Variants in JPH3 observed in about 807,000 individuals in gnomAD.
JPH3 encodes the protein junctophilin 3.
Under a neutral mutation model 59.6 loss-of-function variants are expected in JPH3, and 11 were observed. That is an observed-to-expected ratio of 0.18 (90% CI 0.12 to 0.31). The LOEUF is 0.31. Ranked by LOEUF, JPH3 falls within the 10% of genes least tolerant of loss-of-function variation. The probability of loss-of-function intolerance (pLI) is 1.00; values close to 1 mark genes in which losing one functional copy is unlikely to be tolerated. For synonymous variants in JPH3, 673 were observed against 483.6 expected (o/e 1.39, Z -5.14); for missense variants, 1,202 against 1,105.7 (o/e 1.09, Z -1.24).
At chr16:87,639,383 A>G (rs529230125) in intron 1 of JPH3, among the ~76,000 whole-genome samples, 9 of 152,166 alleles carry the variant, frequency 5.9e-5, no homozygotes, top group Non-Finnish European at 1.0e-4. Flanking sequence ...CAGACCCTGC[A>G]TGAAGCTCCT....
In JPH3 at chr16:87,696,754, G is replaced by T; in HGVS notation, c.*94G>T. 9.9e-7 allele frequency: 1 copy of T among 1,006,524 alleles called. No individual in the cohort carries two copies. Among genetic ancestry groups the T allele is most frequent in the South Asian group, 1.3e-5 (1 of 76,012 alleles). 62.3% of individuals were successfully genotyped at this position (1,006,524 alleles called of 1,614,324 possible). A position where few individuals can be genotyped will look rare whatever the true frequency, so the allele number is the denominator to read the frequency against. Reference sequence around the variant, plus strand: ...ACAAGAAGGGAAAGACCGCAACTCGGACAGCCCAGCGACTTCCAAGTCCTC... The same window carrying T: ...ACAAGAAGGGAAAGACCGCAACTCGTACAGCCCAGCGACTTCCAAGTCCTC... On this transcript the variant is annotated 3_prime_UTR_variant, in exon 5 of 5. Coordinates refer to ENST00000284262, the MANE Select transcript of JPH3 (RefSeq NM_020655.4).
chr16:87,658,436 C>G (rs1316132109), intron 2 of JPH3, among the ~76,000 whole-genome samples: 2 of 151,564 alleles, frequency 1.3e-5, no homozygotes, highest in African/African-American at 4.9e-5. Context: ...CTCTATCTCC[C>G]TATCTGCTTT....
At chr16:87,636,493 C>A (rs938134703) in intron 1 of JPH3, among the ~76,000 whole-genome samples, 1 of 152,182 alleles carries the variant, frequency 6.6e-6, no homozygotes, top group African/African-American at 2.4e-5. Flanking sequence ...GGAGCAACTG[C>A]GGCGAGCGTG....
At chr16:87,632,151 A>G (rs1341042497) in intron 1 of JPH3, among the ~76,000 whole-genome samples, 1 of 152,186 alleles carries the variant, frequency 6.6e-6, no homozygotes, top group Non-Finnish European at 1.5e-5. Context: ...CTGTTTTTTC[A>G]GAGGAATTTT....
At chr16:87,684,390 C>T (rs2033367448) in intron 3 of JPH3, 124 bp downstream of exon 3, 2 of 1,431,834 alleles carry the variant, frequency 1.4e-6, no homozygotes, top group Non-Finnish European at 1.9e-6. Context: ...CCAGCTGCTC[C>T]CCTGCCCGGT....
chr16:87,678,863 G>A (rs1471148094), intron 2 of JPH3, among the ~76,000 whole-genome samples: 3 of 150,780 alleles, frequency 2.0e-5, no homozygotes, highest in South Asian at 2.1e-4. Flanking sequence ...CGCCGAGGGC[G>A]CCAGCAGCCG....
chr16:87,605,621 G>A lies in JPH3; in HGVS notation c.382+2093G>A, dbSNP rs535796502. 2.0e-5 allele frequency among the ~76,000 whole-genome samples: 3 copies of A among 152,262 alleles called. No homozygotes were observed. The South Asian group carries it at 6.2e-4, about 32-fold the overall frequency. On this transcript the variant is annotated intron_variant, in intron 1 of 4. Coordinates refer to ENST00000284262, the MANE Select transcript of JPH3 (RefSeq NM_020655.4). The stretch of plus-strand genomic sequence containing the variant: ...TTTTCTCTATAGGTCCACTTCCCTG[G>A]GCTCTCCACTCCAGCCAGACAGCTC...
intron 2 of JPH3, among the ~76,000 whole-genome samples, chr16:87,646,456 C>G (rs750988073): frequency 6.6e-6 from 1 of 152,182 alleles, no homozygotes; most frequent in Non-Finnish European, 1.5e-5. Flanking sequence ...CAGCAGCCCA[C>G]GTGTGACTAC....
At chr16:87,622,818 TG>T (rs1214879564) in intron 1 of JPH3, among the ~76,000 whole-genome samples, 1 of 151,870 alleles carries the variant, frequency 6.6e-6, no homozygotes, top group Non-Finnish European at 1.5e-5. Flanking sequence ...GGGCTGGGGC[TG>T]GGGGGCTGGG....
intron 1 of JPH3, among the ~76,000 whole-genome samples, chr16:87,626,541 C>T (rs1364948357): frequency 1.3e-5 from 2 of 152,230 alleles, no homozygotes; most frequent in African/African-American, 2.4e-5. Context: ...CCCGAGGTGC[C>T]GGCTCATAGC....
chr16:87,648,366 A>G (rs2150848625), intron 2 of JPH3, among the ~76,000 whole-genome samples: 1 of 152,266 alleles, frequency 6.6e-6, no homozygotes, highest in African/African-American at 2.4e-5. Context: ...GAGCGGCCGC[A>G]CCACGTGGGC....
chr16:87,620,005 G>T (rs1235365636), intron 1 of JPH3, among the ~76,000 whole-genome samples: 4 of 152,244 alleles, frequency 2.6e-5, no homozygotes, highest in African/African-American at 4.8e-5. Context: ...GGAGCCCAAG[G>T]GCCCTCACAC....
chr16:87,675,341 C>T (rs892439161), intron 2 of JPH3, among the ~76,000 whole-genome samples: 12 of 152,132 alleles, frequency 7.9e-5, no homozygotes, highest in Non-Finnish European at 1.3e-4. Context: ...CCCAGAGTGT[C>T]GGTGCTGCTC....
At chr16:87,621,195 G>T (rs1206468937) in intron 1 of JPH3, among the ~76,000 whole-genome samples, 4 of 152,120 alleles carry the variant, frequency 2.6e-5, no homozygotes, top group African/African-American at 9.7e-5. Context: ...CCCCTGGAGC[G>T]CAGGGGTCAG....
intron 2 of JPH3, among the ~76,000 whole-genome samples, chr16:87,659,359 A>T (rs1309125672): frequency 7.1e-6 from 1 of 141,654 alleles, no homozygotes; most frequent in East Asian, 2.1e-4. Flanking sequence ...CCTGGGTGAC[A>T]GAGTAAGACT....
At position 87,689,933 on chromosome 16, in the gene JPH3, G is replaced by T. The variant is rs1192728205; in HGVS notation, c.1573G>T (p.Asp525Tyr). The change falls in exon 4 of 5, where the codon GAC becomes TAC. Residue 525 changes from aspartate (D) to tyrosine (Y), a missense_variant. By Grantham distance (160) the Asp-to-Tyr change is radical. Coordinates refer to ENST00000284262, the MANE Select transcript of JPH3 (RefSeq NM_020655.4). Reference protein sequence around the residue: ...IQMLLEGRAGDCARSSWGEEQ... With the variant: ...IQMLLEGRAGYCARSSWGEEQ... ...GATGCTCCTGGAGGGCCGGGCCGGG[G>T]ACTGCGCCCGCAGCAGCTGGGGCGA... 18 of 1,450,130 alleles carry T rather than the reference G, an allele frequency of 1.2e-5. No individual in the cohort carries two copies. Among genetic ancestry groups the T allele is most frequent in the South Asian group, 1.5e-5 (1 of 68,794 alleles). The allele number at this position is 1,450,130 out of a possible 1,614,324, so 89.8% of individuals were successfully genotyped here.
At chr16:87,643,390 C>CT (rs11412737) in intron 1 of JPH3, among the ~76,000 whole-genome samples, 1 of 151,496 alleles carries the variant, frequency 6.6e-6, no homozygotes, top group Non-Finnish European at 1.5e-5. Flanking sequence ...ACCCTCCCTT[C>CT]TTCTGGGGAT....
At chr16:87,666,864 C>G (rs940434158) in intron 2 of JPH3, among the ~76,000 whole-genome samples, 1 of 152,258 alleles carries the variant, frequency 6.6e-6, no homozygotes, top group Non-Finnish European at 1.5e-5. Flanking sequence ...AGCAGCCTGC[C>G]TCGTCACCGA....
At chr16:87,648,634 ACTG>A (rs2032231764) in intron 2 of JPH3, among the ~76,000 whole-genome samples, 1 of 151,676 alleles carries the variant, frequency 6.6e-6, no homozygotes, top group East Asian at 1.9e-4. Context: ...GAGGTCCTGC[ACTG>A]CTAAGGGGAC....
Sources: gnomAD v4.1 joint callset for allele counts (sites outside exome capture counted in the v4.1 genomes callset) on GRCh38, gnomAD v4.1.1 for gene constraint, MANE v1.5 for transcripts, NCBI Gene and HGNC (gene_info 2026-07-23, HGNC 2026-07-21) for gene names.